Variants in SLC24A2 observed in about 807,000 individuals in gnomAD.
SLC24A2 encodes the protein solute carrier family 24 member 2.
A neutral mutation model predicts 62.0 loss-of-function variants in SLC24A2; 36 were observed. That is an observed-to-expected ratio of 0.58 (90% CI 0.44 to 0.77). SLC24A2 has a LOEUF of 0.77. Among genes scored for constraint, SLC24A2 ranks in the 30% least tolerant of loss-of-function variants. The pLI is 0.00. For missense variants in SLC24A2, 846 were observed against 817.9 expected, an observed-to-expected ratio of 1.03 and a Z score of -0.42; for synonymous variants, 358 against 294.0, an observed-to-expected ratio of 1.22 and a Z score of -2.23.
intron 9 of SLC24A2, among the ~76,000 whole-genome samples, chr9:19,523,593 G>C (rs1326774264): frequency 6.6e-6 from 1 of 152,176 alleles, no homozygotes; most frequent in East Asian, 1.9e-4. Context: ...CTCCCAAGTA[G>C]CTGGGATTAC....
At chr9:19,910,158 G>A in the SLC24A2 span, among the ~76,000 whole-genome samples, 1 of 152,068 alleles carries the variant, frequency 6.6e-6, no homozygotes, top group South Asian at 2.1e-4. Context: ...GAACCTCAGA[G>A]TAATCCATGC....
At chr9:19,619,747 T>A (rs1397800472) in intron 3 of SLC24A2, 55 bp from the exon 4 acceptor site, 1 of 1,327,230 alleles carries the variant, frequency 7.5e-7, no homozygotes, top group Non-Finnish European at 1.1e-6. Context: ...ACAAGTGCAT[T>A]ATAGACAAGA....
intron 9 of SLC24A2, among the ~76,000 whole-genome samples, chr9:19,525,548 C>T (rs554298254): frequency 2.6e-5 from 4 of 151,382 alleles, no homozygotes; most frequent in African/African-American, 4.9e-5. Flanking sequence ...GGACTACAGG[C>T]GTGTGCTACC....
At chr9:19,647,048 C>CCACACACACACA (rs1305580525) in intron 2 of SLC24A2, among the ~76,000 whole-genome samples, 1 of 121,984 alleles carries the variant, frequency 8.2e-6, no homozygotes, top group East Asian at 2.7e-4. Flanking sequence ...CTCTCTCTTT[C>CCACACACACACA]CACACACACA....
In SLC24A2 at chr9:19,512,554, G is replaced by C. The variant is rs916720903; in HGVS notation, c.*3599C>G. The stretch of plus-strand genomic sequence containing the variant: ...TCATCAGGATCTGGTCAGGTGCAGA[G>C]GGCAGCTGGAGTTGGCATGGGCATT... On this transcript the variant is annotated 3_prime_UTR_variant, in exon 11 of 11. Coordinates refer to ENST00000341998, the MANE Select transcript of SLC24A2 (RefSeq NM_020344.4). 1.3e-5 allele frequency: 2 copies of C among 152,210 alleles called. No homozygotes were observed. Among genetic ancestry groups the C allele is most frequent in the Admixed American group, 6.5e-5 (1 of 15,278 alleles). 9.4% of individuals were successfully genotyped at this position (152,210 alleles called of 1,614,324 possible). A position where few individuals can be genotyped will look rare whatever the true frequency, so the allele number is the denominator to read the frequency against.
At chr9:20,267,280 C>A in the SLC24A2 span, among the ~76,000 whole-genome samples, 3 of 152,068 alleles carry the variant, frequency 2.0e-5, no homozygotes, top group Non-Finnish European at 4.4e-5. Flanking sequence ...TAACCATCAC[C>A]ATCCCCACCC....
chr9:20,010,828 C>A, the SLC24A2 span, among the ~76,000 whole-genome samples: 372 of 142,904 alleles, frequency 2.6e-3, 1 homozygote, highest in Non-Finnish European at 3.6e-3. Context: ...TCTCATTGTT[C>A]AATTCCCACC....
At chr9:20,032,185 T>G in the SLC24A2 span, among the ~76,000 whole-genome samples, 2 of 152,302 alleles carry the variant, frequency 1.3e-5, no homozygotes, top group African/African-American at 2.4e-5. Context: ...TGGGTGGGAA[T>G]TGAGGCCAGG....
chr9:19,517,955 A>ACTCT (rs1163561767), intron 10 of SLC24A2, among the ~76,000 whole-genome samples: 22 of 139,644 alleles, frequency 1.6e-4, no homozygotes, highest in South Asian at 9.2e-4. Flanking sequence ...ACACACACAC[A>ACTCT]CACTCTCACA....
the SLC24A2 span, among the ~76,000 whole-genome samples, chr9:20,255,154 C>A: frequency 6.6e-6 from 1 of 152,156 alleles, no homozygotes; most frequent in Non-Finnish European, 1.5e-5. Flanking sequence ...CAGGGTTTAG[C>A]GTGTCTAATA....
rs972726576 is a variant in SLC24A2, at chr9:19,572,129, C to T, written c.1347+1222G>A. ...AAAAATGCAAAAAAAAAAAATTAGC[C>T]GGGTGTGGTGGTGCGAGCTACTCAG... On this transcript the variant is annotated intron_variant, in intron 7 of 10. Transcript: ENST00000341998. Among the ~76,000 whole-genome samples the T allele has an allele frequency of 2.7e-4, 41 of 151,386 alleles. 1 individual carries two copies. Among genetic ancestry groups the T allele is most frequent in the African/African-American group, 9.7e-4 (40 of 41,294 alleles).
intron 2 of SLC24A2, among the ~76,000 whole-genome samples, chr9:19,778,385 G>A (rs893059412): frequency 2.0e-5 from 3 of 152,072 alleles, no homozygotes; most frequent in Non-Finnish European, 4.4e-5. Flanking sequence ...GCCTGATAGC[G>A]GGAAGGGAGT....
At chr9:19,739,784 G>A (rs1381520673) in intron 2 of SLC24A2, among the ~76,000 whole-genome samples, 1 of 152,048 alleles carries the variant, frequency 6.6e-6, no homozygotes, top group Non-Finnish European at 1.5e-5. Flanking sequence ...GACTAAATAA[G>A]CATTAACTAT....
chr9:19,974,120 T>C, the SLC24A2 span, among the ~76,000 whole-genome samples: 1 of 152,178 alleles, frequency 6.6e-6, no homozygotes, highest in Non-Finnish European at 1.5e-5. Context: ...TGAATAAATG[T>C]ATTTCTCCCT....
At chr9:19,913,946 T>A in the SLC24A2 span, among the ~76,000 whole-genome samples, 1 of 152,062 alleles carries the variant, frequency 6.6e-6, no homozygotes, top group African/African-American at 2.4e-5. Context: ...CAACCTCATC[T>A]TCCTCACTAT....
chr9:20,173,863 T>C, the SLC24A2 span, among the ~76,000 whole-genome samples: 3 of 151,928 alleles, frequency 2.0e-5, no homozygotes, highest in Admixed American at 6.6e-5. Flanking sequence ...AAAATTCATA[T>C]GGAACCAAAA....
the SLC24A2 span, among the ~76,000 whole-genome samples, chr9:20,109,470 C>T: frequency 6.6e-6 from 1 of 152,144 alleles, no homozygotes; most frequent in Non-Finnish European, 1.5e-5. Flanking sequence ...TTCCCTTCTG[C>T]AAGTCTCAAG....
At chr9:20,042,348 T>C in the SLC24A2 span, among the ~76,000 whole-genome samples, 1 of 152,212 alleles carries the variant, frequency 6.6e-6, no homozygotes, top group African/African-American at 2.4e-5. Context: ...CTCTGGAATA[T>C]CTGAGAAAGC....
the SLC24A2 span, among the ~76,000 whole-genome samples, chr9:20,006,878 T>C: frequency 2.0e-5 from 3 of 152,186 alleles, no homozygotes; most frequent in South Asian, 4.1e-4. Context: ...TTTTTATTTA[T>C]AAAATGGGTA....
Sources: allele counts gnomAD v4.1 joint callset (sites outside exome capture counted in the v4.1 genomes callset), GRCh38; gene constraint gnomAD v4.1.1; transcripts MANE v1.5; gene names NCBI Gene and HGNC (gene_info 2026-07-23, HGNC 2026-07-21).